TTLL11: variants seen among roughly 807,000 people sequenced by gnomAD.
TTLL11 encodes tubulin polyglutamylase TTLL11.
Under a neutral mutation model 51.7 loss-of-function variants are expected in TTLL11, and 42 were observed. The ratio of observed to expected loss-of-function variants is 0.81; its 90% CI spans 0.64 to 1.05. TTLL11 has a LOEUF of 1.05. Among genes scored for constraint, TTLL11 ranks in the 50% least tolerant of loss-of-function variants. The probability of loss-of-function intolerance (pLI) is 0.00; values close to 1 mark genes in which losing one functional copy is unlikely to be tolerated. For missense variants in TTLL11, 799 were observed against 940.4 expected, an observed-to-expected ratio of 0.85 and a Z score of 1.97; for synonymous variants, 381 against 383.5, an observed-to-expected ratio of 0.99 and a Z score of 0.08.
chr9:122,061,400 T>G (rs1170810607), intron 1 of TTLL11, among the ~76,000 whole-genome samples: 1 of 152,234 alleles, frequency 6.6e-6, no homozygotes, highest in Non-Finnish European at 1.5e-5. Flanking sequence ...TTCAGTGCTT[T>G]CCAGTTTTTC....
rs771742926 is a variant in TTLL11, at chr9:121,989,204, C to G, written c.1260G>C (p.Thr420=). ...SDIPTGRPGP[T]CFQILGFDIL... Reference sequence around the variant, plus strand: ...AACTGGCAATGGTTACCTGGAAGCACGTGGGGCCCGGCCTCCCCGTGGGGA... The same window carrying G: ...AACTGGCAATGGTTACCTGGAAGCAGGTGGGGCCCGGCCTCCCCGTGGGGA... The change falls in exon 4 of 9, where the codon ACG becomes ACC. Residue 420 remains threonine, a synonymous_variant. Coordinates refer to ENST00000321582, the MANE Select transcript of TTLL11 (RefSeq NM_001139442.2). The surrounding 1 kb of genome is among the most constrained non-coding windows in gnomAD (Gnocchi z 4.2). 3 of 1,613,690 alleles carry G rather than the reference C, an allele frequency of 1.9e-6. No individual in the cohort carries two copies. Among genetic ancestry groups the G allele is most frequent in the East Asian group, 4.5e-5 (2 of 44,858 alleles).
intron 8 of TTLL11, among the ~76,000 whole-genome samples, chr9:121,836,545 G>A (rs981490250): frequency 6.6e-6 from 1 of 152,192 alleles, no homozygotes; most frequent in African/African-American, 2.4e-5. Context: ...TTAACACAGA[G>A]TAAATCAACC....
intron 6 of TTLL11, among the ~76,000 whole-genome samples, chr9:121,949,650 C>T (rs1293528712): frequency 6.6e-6 from 1 of 152,032 alleles, no homozygotes; most frequent in Non-Finnish European, 1.5e-5. Context: ...GCTGTCTCTC[C>T]TCTACCATCT....
chr9:121,822,161 T>A lies in TTLL11; in HGVS notation c.*426A>T, dbSNP rs1377756040. 6.5e-6 allele frequency: 1 copy of A among 153,294 alleles called. No homozygotes were observed. The highest frequency in any genetic ancestry group is 2.4e-5 in the African/African-American group (1 of 41,330). The allele number at this position is 153,294 out of a possible 1,614,324, so 9.5% of individuals were successfully genotyped here. A position where few individuals can be genotyped will look rare whatever the true frequency, so the allele number is the denominator to read the frequency against. On this transcript the variant is annotated 3_prime_UTR_variant, in exon 9 of 9. Transcript: ENST00000321582. This position sits in a 1 kb window ranked among gnomAD's most constrained non-coding sequence, Gnocchi z 5.8. ...GGGCGGCAGGAAATAAACACGATGTTCTCAGGCTTTTCCCGGTGGGCGCGT... is the reference window on the plus strand; with the variant it reads ...GGGCGGCAGGAAATAAACACGATGTACTCAGGCTTTTCCCGGTGGGCGCGT...
chr9:122,082,501 C>CAAAAAAAAAAAAAAAAAAAAAAAAAAA, intron 1 of TTLL11, among the ~76,000 whole-genome samples: 1 of 84,654 alleles, frequency 1.2e-5, no homozygotes, highest in Non-Finnish European at 2.5e-5. Flanking sequence ...GACTCTGTCT[C>CAAAAAAAAAAAAAAAAAAAAAAAAAAA]AAAAAAAAAA....
chr9:121,934,037 C>T (rs1841097388), intron 6 of TTLL11, among the ~76,000 whole-genome samples: 1 of 152,122 alleles, frequency 6.6e-6, no homozygotes, highest in African/African-American at 2.4e-5. Context: ...TGAGACCAGC[C>T]TAACCAACAT....
At chr9:121,912,740 A>G (rs1840182368) in intron 6 of TTLL11, among the ~76,000 whole-genome samples, 1 of 151,498 alleles carries the variant, frequency 6.6e-6, no homozygotes, top group Admixed American at 6.6e-5. Context: ...CAACACATAC[A>G]TGATATCAAG....
intron 6 of TTLL11, among the ~76,000 whole-genome samples, chr9:121,927,608 A>G (rs1840784865): frequency 6.8e-6 from 1 of 147,574 alleles, no homozygotes; most frequent in African/African-American, 2.5e-5. Flanking sequence ...AGTAAATATC[A>G]CAAGAGCACA....
intron 6 of TTLL11, among the ~76,000 whole-genome samples, chr9:121,954,879 A>C (rs1416004144): frequency 6.6e-6 from 1 of 152,198 alleles, no homozygotes; most frequent in Admixed American, 6.5e-5. Flanking sequence ...AAAGATAATA[A>C]ATCACATGCA....
At chr9:122,080,193 G>C (rs1845966916) in intron 1 of TTLL11, among the ~76,000 whole-genome samples, 1 of 152,092 alleles carries the variant, frequency 6.6e-6, no homozygotes, top group Non-Finnish European at 1.5e-5. Context: ...GGTTGGAGAA[G>C]ATTCATTTGT....
intron 6 of TTLL11, among the ~76,000 whole-genome samples, chr9:121,912,786 G>T (rs1840185252): frequency 6.6e-6 from 1 of 151,494 alleles, no homozygotes; most frequent in Non-Finnish European, 1.5e-5. Context: ...TGAGTTTGAG[G>T]CAGTCTCTAA....
At chr9:122,006,595 A>C (rs1843652800) in intron 3 of TTLL11, among the ~76,000 whole-genome samples, 1 of 152,226 alleles carries the variant, frequency 6.6e-6, no homozygotes, top group African/African-American at 2.4e-5. Context: ...AAACTTATTC[A>C]TTATAGGTAG....
At chr9:122,023,340 T>A (rs77245276) in intron 3 of TTLL11, among the ~76,000 whole-genome samples, 4,729 of 152,074 alleles carry the variant, frequency 0.031, 230 homozygotes, top group African/African-American at 0.11. Context: ...CAAGCTCACA[T>A]GATTTCCCTA....
At chr9:121,919,438 G>A (rs929972376) in intron 6 of TTLL11, among the ~76,000 whole-genome samples, 5 of 152,148 alleles carry the variant, frequency 3.3e-5, no homozygotes, top group Non-Finnish European at 1.5e-5. Flanking sequence ...AGCAAGGGTA[G>A]AATAAAAACA....
At position 121,866,777 on chromosome 9, in the gene TTLL11, G is replaced by A. The variant is rs1588080802; in HGVS notation, c.1733+3720C>T. The stretch of plus-strand genomic sequence containing the variant: ...CTACAGACATTTGTTGGGAAGGGAG[G>A]GAGCAGGGAGAGGGGCTCAGTCTGA... On this transcript the variant is annotated intron_variant, in intron 7 of 8. Coordinates refer to ENST00000321582, the MANE Select transcript of TTLL11 (RefSeq NM_001139442.2). 2.0e-5 allele frequency among the ~76,000 whole-genome samples: 3 copies of A among 152,152 alleles called. No individual in the cohort carries two copies. The East Asian group carries it at 5.8e-4, about 29-fold the overall frequency.
chr9:122,088,643 C>T lies in TTLL11; in HGVS notation c.462+4044G>A, dbSNP rs112476639. 3.6e-4 allele frequency among the ~76,000 whole-genome samples: 55 copies of T among 152,206 alleles called. 1 individual carries two copies. The highest frequency in any genetic ancestry group is 3.4e-3 in the Middle Eastern group (1 of 294). On this transcript the variant is annotated intron_variant, in intron 1 of 8. Coordinates refer to ENST00000321582, the MANE Select transcript of TTLL11 (RefSeq NM_001139442.2). Reference sequence around the variant, plus strand: ...AGAGCACTTAAAACAGCACCTGGAACAGAGTAAGAGCTATATAAAGATTTA... The same window carrying T: ...AGAGCACTTAAAACAGCACCTGGAATAGAGTAAGAGCTATATAAAGATTTA...
At chr9:121,856,262 G>A (rs949614235) in intron 8 of TTLL11, among the ~76,000 whole-genome samples, 2 of 152,112 alleles carry the variant, frequency 1.3e-5, no homozygotes, top group African/African-American at 2.4e-5. Flanking sequence ...TAATAGAGAC[G>A]GGGTCTTGCT....
intron 3 of TTLL11, among the ~76,000 whole-genome samples, chr9:122,001,827 G>A (rs891798854): frequency 5.3e-5 from 8 of 152,346 alleles, no homozygotes; most frequent in Middle Eastern, 3.4e-3. Context: ...TTTACACCAT[G>A]AGAGTGAGAA....
intron 6 of TTLL11, among the ~76,000 whole-genome samples, chr9:121,877,302 T>C (rs1291926300): frequency 6.6e-6 from 1 of 152,176 alleles, no homozygotes; most frequent in Non-Finnish European, 1.5e-5. Flanking sequence ...TCACTAAAAA[T>C]AAACTTTACT....
Sources: allele counts gnomAD v4.1 joint callset (sites outside exome capture counted in the v4.1 genomes callset), GRCh38; gene constraint gnomAD v4.1.1; non-coding constraint Gnocchi (gnomAD v3.1); transcripts MANE v1.5; gene names NCBI Gene and HGNC (gene_info 2026-07-23, HGNC 2026-07-21).